The following SLCO3A1 variants were observed in gnomAD, a reference collection of about 807,000 sequenced individuals.
SLCO3A1 encodes PGE1 transporter.
A neutral mutation model predicts 63.1 loss-of-function variants in SLCO3A1; 27 were observed. That is an observed-to-expected ratio of 0.43 (90% CI 0.32 to 0.59). The LOEUF (loss-of-function observed/expected upper bound fraction) is 0.59. SLCO3A1 is among the 20% of genes least tolerant of loss of function. The pLI is 0.09. For synonymous variants in SLCO3A1, 473 were observed against 409.9 expected (o/e 1.15, Z -1.86); for missense variants, 773 against 945.8 (o/e 0.82, Z 2.40).
chr15:91,992,909 C>G (rs138386077), intron 2 of SLCO3A1, among the ~76,000 whole-genome samples: 1 of 152,202 alleles, frequency 6.6e-6, no homozygotes, highest in Non-Finnish European at 1.5e-5. Flanking sequence ...TCTGAACTCT[C>G]TGGCATGGAT....
At chr15:91,910,206 C>G (rs994102455) in intron 1 of SLCO3A1, among the ~76,000 whole-genome samples, 22 of 152,186 alleles carry the variant, frequency 1.4e-4, no homozygotes, top group African/African-American at 5.1e-4. Context: ...GGCAGCCTCT[C>G]CCCTCCCACA....
chr15:92,112,063 A>G (rs1390875619), intron 4 of SLCO3A1, among the ~76,000 whole-genome samples: 1 of 152,214 alleles, frequency 6.6e-6, no homozygotes, highest in African/African-American at 2.4e-5. Context: ...CAAAGGGATG[A>G]ACTGAGGACC....
intron 2 of SLCO3A1, among the ~76,000 whole-genome samples, chr15:91,938,075 C>A (rs891582352): frequency 2.6e-5 from 4 of 152,136 alleles, no homozygotes; most frequent in Admixed American, 2.6e-4. Flanking sequence ...TATCTTCTTC[C>A]TCTGCATATT....
At chr15:92,145,210 C>G (rs548642595) in intron 7 of SLCO3A1, among the ~76,000 whole-genome samples, 1 of 152,264 alleles carries the variant, frequency 6.6e-6, no homozygotes, top group East Asian at 1.9e-4. Context: ...AGAAGCCAGT[C>G]AGAGTCAGCT....
Position 91,902,608 on chromosome 15 carries a change from A to C in SLCO3A1, c.181-13385A>C, listed in dbSNP as rs146384936. Reference sequence around the variant, plus strand: ...GAACCAGATTCCCACTGATCTATCCAGAAGTTTTAAATGAATTAGTGCTCC... The same window carrying C: ...GAACCAGATTCCCACTGATCTATCCCGAAGTTTTAAATGAATTAGTGCTCC... On this transcript the variant is annotated intron_variant, in intron 1 of 9. Coordinates refer to ENST00000318445, the MANE Select transcript of SLCO3A1 (RefSeq NM_013272.4). 3.4e-3 allele frequency among the ~76,000 whole-genome samples: 513 copies of C among 152,224 alleles called. 5 individuals are homozygous for C. Among genetic ancestry groups the C allele is most frequent in the African/African-American group, 0.012 (487 of 41,534 alleles).
rs1032596531 is a variant in SLCO3A1 at position 92,143,745 on chromosome 15, T to TTGGAGC, written c.1513-3229_1513-3224dup. Among the ~76,000 whole-genome samples, 14 of 151,410 alleles carry TTGGAGC rather than the reference T, an allele frequency of 9.2e-5. No homozygotes were observed. The South Asian group carries it at 1.0e-3, about 11-fold the overall frequency. On this transcript the variant is annotated intron_variant, in intron 7 of 9. Transcript: ENST00000318445. Reference sequence around the variant, plus strand: ...AGGCAAGAGGTGGAGGGAAAGGAGTTTGGAGCTGGAGCTGGGGCTGGGGCT... The same window carrying TTGGAGC: ...AGGCAAGAGGTGGAGGGAAAGGAGTTTGGAGCTGGAGCTGGAGCTGGGGCTGGGGCT...
chr15:92,097,105 A>G lies in SLCO3A1; in HGVS notation c.745+2126A>G, dbSNP rs1301375224. The stretch of plus-strand genomic sequence containing the variant: ...CCTTGAAGGGTAGCAAAGTGGCCAG[A>G]TAGCATATTTTGCCCTCAGTGCTAT... On this transcript the variant is annotated intron_variant, in intron 3 of 9. Transcript: ENST00000318445. Among the ~76,000 whole-genome samples the G allele has an allele frequency of 4.6e-5, 7 of 152,218 alleles. No homozygotes were observed. In the South Asian group the frequency reaches 1.5e-3, roughly 32 times the overall value.
In SLCO3A1 at chr15:91,968,721, C is replaced by T. The variant is rs932855803; in HGVS notation, c.646+52263C>T. On this transcript the variant is annotated intron_variant, in intron 2 of 9. Transcript: ENST00000318445. The surrounding 1 kb of genome is among the most constrained non-coding windows in gnomAD (Gnocchi z 4.2). ...CGCAAGCACAGCCTTCGCACGTGTG[C>T]TCACACAGCCGCAGTATTTACGGCA... 6.6e-6 allele frequency among the ~76,000 whole-genome samples: 1 copy of T among 152,226 alleles called. No individual in the cohort carries two copies. The highest frequency in any genetic ancestry group is 1.5e-5 in the Non-Finnish European group (1 of 68,050).
At chr15:91,880,262 C>T (rs1897536807) in intron 1 of SLCO3A1, among the ~76,000 whole-genome samples, 1 of 152,044 alleles carries the variant, frequency 6.6e-6, no homozygotes, top group African/African-American at 2.4e-5. Context: ...CCTGTACACA[C>T]TCTACCCAGT....
At chr15:92,090,277 A>C (rs1163214971) in intron 2 of SLCO3A1, among the ~76,000 whole-genome samples, 2 of 152,348 alleles carry the variant, frequency 1.3e-5, no homozygotes, top group East Asian at 3.9e-4. Context: ...GTAGATTCAC[A>C]TGTCCAAGAG....
At chr15:92,116,868 T>G (rs138935435) in intron 4 of SLCO3A1, among the ~76,000 whole-genome samples, 1 of 152,310 alleles carries the variant, frequency 6.6e-6, no homozygotes, top group African/African-American at 2.4e-5. Context: ...CTGTCATTTC[T>G]GGAGGCAAGT....
chr15:92,106,675 G>T (rs2047671368), intron 4 of SLCO3A1, among the ~76,000 whole-genome samples: 2 of 152,150 alleles, frequency 1.3e-5, no homozygotes, highest in Non-Finnish European at 2.9e-5. Context: ...AAGATACAAT[G>T]GTGCCATCAG....
At chr15:92,055,283 T>G (rs2047008390) in intron 2 of SLCO3A1, among the ~76,000 whole-genome samples, 1 of 152,212 alleles carries the variant, frequency 6.6e-6, no homozygotes, top group African/African-American at 2.4e-5. Flanking sequence ...TGCCCACTTT[T>G]TAATGGGGTT....
At chr15:92,032,904 G>A (rs114654320) in intron 2 of SLCO3A1, among the ~76,000 whole-genome samples, 1,287 of 116,810 alleles carry the variant, frequency 0.011, 17 homozygotes, top group African/African-American at 0.04. Flanking sequence ...GCTGTGATAG[G>A]AAGTCAAGAT....
chr15:91,994,218 A>G (rs897729219), intron 2 of SLCO3A1, among the ~76,000 whole-genome samples: 7 of 152,136 alleles, frequency 4.6e-5, no homozygotes, highest in Non-Finnish European at 7.4e-5. Flanking sequence ...GCAAATAATA[A>G]CCCATGAATC....
rs989755068 is a variant in SLCO3A1 at position 91,870,349 on chromosome 15, C to T, written c.180+16261C>T. Reference sequence around the variant, plus strand: ...CTTCAGTAAAACTGGAAAGAAGTAACTATCTTTTGCTACTAAATGTTGCTG... The same window carrying T: ...CTTCAGTAAAACTGGAAAGAAGTAATTATCTTTTGCTACTAAATGTTGCTG... On this transcript the variant is annotated intron_variant, in intron 1 of 9. Transcript: ENST00000318445. Among the ~76,000 whole-genome samples the T allele has an allele frequency of 6.6e-5, 10 of 152,308 alleles. 1 individual carries two copies. The highest frequency in any genetic ancestry group is 2.4e-4 in the African/African-American group (10 of 41,556).
intron 2 of SLCO3A1, among the ~76,000 whole-genome samples, chr15:92,086,271 C>T (rs1161267885): frequency 6.6e-6 from 1 of 152,156 alleles, no homozygotes; most frequent in Admixed American, 6.5e-5. Context: ...AGCTTCAGAT[C>T]CTTGCCAACA....
intron 4 of SLCO3A1, among the ~76,000 whole-genome samples, chr15:92,115,054 A>G (rs1205797971): frequency 3.3e-5 from 3 of 90,422 alleles, no homozygotes; most frequent in African/African-American, 9.0e-5. Context: ...GTTGACAGCA[A>G]TGTTATCAAA....
Position 92,094,854 on chromosome 15 carries a change from T to C in SLCO3A1, c.647-27T>C, listed in dbSNP as rs759541723. On this transcript the variant is annotated intron_variant, in intron 2 of 9. Coordinates refer to ENST00000318445, the MANE Select transcript of SLCO3A1 (RefSeq NM_013272.4). ...TCATCGAATAGCTTCTGTTTTGTAA[T>C]CTATTTTTTTCTTCATCTTCCTTCA... 25 of 1,462,692 alleles carry C rather than the reference T, an allele frequency of 1.7e-5. No individual in the cohort carries two copies. In the Admixed American group the frequency reaches 3.7e-4, roughly 22 times the overall value. The allele number at this position is 1,462,692 out of a possible 1,614,324, so 90.6% of individuals were successfully genotyped here.
Sources: allele counts gnomAD v4.1 joint callset (sites outside exome capture counted in the v4.1 genomes callset), GRCh38; gene constraint gnomAD v4.1.1; non-coding constraint Gnocchi (gnomAD v3.1); transcripts MANE v1.5; gene names NCBI Gene and HGNC (gene_info 2026-07-23, HGNC 2026-07-21).